The following ITSN1 variants were observed in gnomAD, a reference collection of about 807,000 sequenced individuals.
The protein encoded by ITSN1 is intersectin-1.
ITSN1 carries 58 observed loss-of-function variants against 239.8 expected under a neutral mutation model. The ratio of observed to expected loss-of-function variants is 0.24; its 90% CI spans 0.20 to 0.30. ITSN1 has a LOEUF of 0.30. ITSN1 is among the 10% of genes least tolerant of loss of function. The probability of loss-of-function intolerance (pLI) is 1.00; values close to 1 mark genes in which losing one functional copy is unlikely to be tolerated. For synonymous variants in ITSN1, 780 were observed against 770.8 expected (o/e 1.01, Z -0.20); for missense variants, 1,558 against 2,103.3 (o/e 0.74, Z 5.07).
intron 29 of ITSN1, among the ~76,000 whole-genome samples, chr21:33,849,938 G>C (rs1041458499): frequency 1.3e-5 from 2 of 152,176 alleles, no homozygotes; most frequent in Admixed American, 1.3e-4. Flanking sequence ...CATACTACAG[G>C]AGAGGGCACA....
chr21:33,750,216 T>C lies in ITSN1; in HGVS notation c.420T>C (p.Val140=), dbSNP rs2067457306. 1 of 1,614,154 alleles carries C rather than the reference T, an allele frequency of 6.2e-7. No individual in the cohort carries two copies. Among genetic ancestry groups the C allele is most frequent in the Non-Finnish European group, 8.5e-7 (1 of 1,180,016 alleles). Residue 140 remains valine, a synonymous_variant, in exon 6 of 40, where the codon GTT becomes GTC. Transcript: ENST00000381318. The part of the protein sequence containing the change: ...APVPMGSIPV[V]GMSPTLVSSV... ...TGCCAATGGGATCCATTCCAGTTGTTGGAATGTCTCCAACCCTAGTATCTT... is the reference window on the plus strand; with the variant it reads ...TGCCAATGGGATCCATTCCAGTTGTCGGAATGTCTCCAACCCTAGTATCTT...
intron 1 of ITSN1, among the ~76,000 whole-genome samples, chr21:33,661,338 T>A (rs979285760): frequency 1.3e-5 from 2 of 152,184 alleles, no homozygotes; most frequent in African/African-American, 4.8e-5. Context: ...GCTTTGAGTA[T>A]CTAGTCATAC....
intron 2 of ITSN1, among the ~76,000 whole-genome samples, chr21:33,720,705 C>T (rs1024402277): frequency 5.9e-5 from 9 of 151,996 alleles, no homozygotes; most frequent in Admixed American, 2.0e-4. Context: ...GTTGTGCAGC[C>T]ATCACCACAA....
intron 24 of ITSN1, among the ~76,000 whole-genome samples, chr21:33,822,307 A>G (rs1022772555): frequency 3.3e-5 from 5 of 152,218 alleles, no homozygotes; most frequent in Admixed American, 3.3e-4. Context: ...TTCTCCATAA[A>G]AAATTCCTAC....
chr21:33,868,640 C>A, intron 33 of ITSN1, among the ~76,000 whole-genome samples: 1 of 152,236 alleles, frequency 6.6e-6, no homozygotes, highest in Non-Finnish European at 1.5e-5. Context: ...CACGCCCACC[C>A]GGAACTCCAG....
chr21:33,751,909 A>G lies in ITSN1; in HGVS notation c.623+3A>G, dbSNP rs1336637383. The G allele has an allele frequency of 1.9e-6, 3 of 1,605,762 alleles. No individual in the cohort carries two copies. In the Admixed American group the frequency reaches 5.0e-5, roughly 27 times the overall value. On this transcript the variant is annotated splice_donor_region_variant and intron_variant, in intron 7 of 39. Coordinates refer to ENST00000381318, the MANE Select transcript of ITSN1 (RefSeq NM_003024.3). The stretch of plus-strand genomic sequence containing the variant: ...GCACAGTCATTTGATGTGGCCAGGT[A>G]AGTTTGCTTGTTTTTAAATGGGAAG...
chr21:33,834,312 T>C lies in ITSN1; in HGVS notation c.3357T>C (p.Arg1119=). Residue 1119 remains arginine, a synonymous_variant, in exon 28 of 40, where the codon CGT becomes CGC. Coordinates refer to ENST00000381318, the MANE Select transcript of ITSN1 (RefSeq NM_003024.3). Reference sequence around the variant, plus strand: ...TGTAATTATTTTCTTACTAGGCACGTGGGAAAAAGCGCCAGATAGGCTGGT... The same window carrying C: ...TGTAATTATTTTCTTACTAGGCACGCGGGAAAAAGCGCCAGATAGGCTGGT... ...GGWWEGELQA[R]GKKRQIGWFP... is the part of the protein sequence containing the mutation. 6.2e-7 allele frequency: 1 copy of C among 1,613,232 alleles called. No individual in the cohort carries two copies. Among genetic ancestry groups the C allele is most frequent in the Non-Finnish European group, 8.5e-7 (1 of 1,179,264 alleles).
At position 33,669,932 on chromosome 21, in the gene ITSN1, A is replaced by G. The variant is rs567699854; in HGVS notation, c.-33+27219A>G. Reference sequence around the variant, plus strand: ...CTTACACCTGATTTAATTGTGCACTATTGATCTGGCTTAGTTCTGGAACTT... The same window carrying G: ...CTTACACCTGATTTAATTGTGCACTGTTGATCTGGCTTAGTTCTGGAACTT... On this transcript the variant is annotated intron_variant, in intron 1 of 39. Coordinates refer to ENST00000381318, the MANE Select transcript of ITSN1 (RefSeq NM_003024.3). Among the ~76,000 whole-genome samples, 19 of 152,098 alleles carry G rather than the reference A, an allele frequency of 1.2e-4. No individual in the cohort carries two copies. In the South Asian group the frequency reaches 3.7e-3, roughly 30 times the overall value.
At chr21:33,688,663 A>T (rs185297266) in intron 1 of ITSN1, among the ~76,000 whole-genome samples, 2 of 152,232 alleles carry the variant, frequency 1.3e-5, no homozygotes, top group East Asian at 3.9e-4. Flanking sequence ...CAACAGAAAA[A>T]ATCCACTGAG....
At chr21:33,822,079 G>A (rs541194135) in intron 24 of ITSN1, among the ~76,000 whole-genome samples, 72 of 152,350 alleles carry the variant, frequency 4.7e-4, no homozygotes, top group Admixed American at 2.2e-3. Flanking sequence ...TCCCTGGGAC[G>A]TTTGAATGAC....
At chr21:33,798,217 C>T (rs1414762751) in intron 18 of ITSN1, among the ~76,000 whole-genome samples, 1 of 152,024 alleles carries the variant, frequency 6.6e-6, no homozygotes, top group Non-Finnish European at 1.5e-5. Context: ...CCTGTCTTAG[C>T]CTCTCAAGGA....
chr21:33,793,344 G>T (rs963509432), intron 16 of ITSN1, among the ~76,000 whole-genome samples: 1 of 152,124 alleles, frequency 6.6e-6, no homozygotes, highest in Non-Finnish European at 1.5e-5. Context: ...AGAGATCCCT[G>T]GGCCATGTAC....
intron 29 of ITSN1, among the ~76,000 whole-genome samples, chr21:33,839,540 C>T (rs547433434): frequency 3.9e-5 from 6 of 152,314 alleles, no homozygotes; most frequent in East Asian, 3.9e-4. Context: ...AGGCCACCCC[C>T]GTGTGGAGCA....
chr21:33,883,901 T>TTTG (rs1985361239), intron 36 of ITSN1, among the ~76,000 whole-genome samples: 1 of 148,766 alleles, frequency 6.7e-6, no homozygotes, highest in South Asian at 2.2e-4. Flanking sequence ...TGAGTTTTTT[T>TTTG]TTTTTTTTTT....
At chr21:33,871,437 CAAA>C (rs3835378) in intron 33 of ITSN1, among the ~76,000 whole-genome samples, 55,854 of 146,310 alleles carry the variant, frequency 0.38, 10,980 homozygotes, top group East Asian at 0.52. Context: ...CTCAAAAAAA[CAAA>C]AAAAAAAACA....
intron 5 of ITSN1, among the ~76,000 whole-genome samples, chr21:33,740,196 A>C (rs2066756919): frequency 6.6e-6 from 1 of 152,154 alleles, no homozygotes; most frequent in Admixed American, 6.6e-5. Flanking sequence ...GTCCTAGTAG[A>C]TTTCCGAGTT....
At chr21:33,671,331 C>T (rs552971001) in intron 1 of ITSN1, among the ~76,000 whole-genome samples, 34 of 152,138 alleles carry the variant, frequency 2.2e-4, no homozygotes, top group Admixed American at 1.8e-3. Flanking sequence ...TCTTGTCACC[C>T]AGGCTGGATT....
Position 33,888,517 on chromosome 21 carries a change from T to A in ITSN1, c.*217T>A. The A allele has an allele frequency of 1.8e-6, 1 of 546,444 alleles. No individual in the cohort carries two copies. Among genetic ancestry groups the A allele is most frequent in the Non-Finnish European group, 3.2e-6 (1 of 309,976 alleles). The allele number at this position is 546,444 out of a possible 1,614,324, so 33.8% of individuals were successfully genotyped here. A position where few individuals can be genotyped will look rare whatever the true frequency, so the allele number is the denominator to read the frequency against. On this transcript the variant is annotated 3_prime_UTR_variant, in exon 40 of 40. Coordinates refer to ENST00000381318, the MANE Select transcript of ITSN1 (RefSeq NM_003024.3). The stretch of plus-strand genomic sequence containing the variant: ...TTCATGAAACAAAGCTGTGTTTTCC[T>A]TTGTCCTCACTACAGGTCTCATTAT...
intron 4 of ITSN1, among the ~76,000 whole-genome samples, chr21:33,726,870 C>T (rs1337048104): frequency 6.6e-6 from 1 of 152,228 alleles, no homozygotes; most frequent in Non-Finnish European, 1.5e-5. Context: ...TAGTTTCTCT[C>T]TCTGAGCTTT....
Sources: allele counts gnomAD v4.1 joint callset (sites outside exome capture counted in the v4.1 genomes callset), GRCh38; gene constraint gnomAD v4.1.1; transcripts MANE v1.5; gene names NCBI Gene and HGNC (gene_info 2026-07-23, HGNC 2026-07-21).